Variants in BIVM observed in about 807,000 individuals in gnomAD.
BIVM encodes basic immunoglobulin-like variable motif-containing protein.
A neutral mutation model predicts 61.4 loss-of-function variants in BIVM; 31 were observed. That is an observed-to-expected ratio of 0.51 (90% CI 0.38 to 0.68). The LOEUF (loss-of-function observed/expected upper bound fraction) is 0.68. Ranked by LOEUF, BIVM falls within the 30% of genes least tolerant of loss-of-function variation. The probability of loss-of-function intolerance (pLI) is 0.00; values close to 1 mark genes in which losing one functional copy is unlikely to be tolerated. For synonymous variants in BIVM, 189 were observed against 210.7 expected, an observed-to-expected ratio of 0.90 and a Z score of 0.89; for missense variants, 526 against 596.0, an observed-to-expected ratio of 0.88 and a Z score of 1.22.
intron 3 of BIVM, among the ~76,000 whole-genome samples, chr13:102,810,724 CT>C (rs889655142): frequency 2.2e-4 from 33 of 152,018 alleles, no homozygotes; most frequent in Admixed American, 2.1e-3. Context: ...ATAATAATAG[CT>C]TTTTTATTTT....
At chr13:102,809,062 GACTT>G (rs1879304123) in intron 3 of BIVM, among the ~76,000 whole-genome samples, 1 of 151,754 alleles carries the variant, frequency 6.6e-6, no homozygotes, top group South Asian at 2.1e-4. Context: ...TGCTTCCTCT[GACTT>G]ACTTTGGGTT....
chr13:102,814,266 A>G (rs918264503), intron 3 of BIVM, among the ~76,000 whole-genome samples: 1 of 152,168 alleles, frequency 6.6e-6, no homozygotes, highest in South Asian at 2.1e-4. Flanking sequence ...TCCCATCTCA[A>G]ACGGCGCTTT....
chr13:102,833,605 G>A (rs1881272047), intron 8 of BIVM, among the ~76,000 whole-genome samples: 1 of 152,090 alleles, frequency 6.6e-6, no homozygotes, highest in Non-Finnish European at 1.5e-5. Flanking sequence ...TTATAGACGT[G>A]AGCCACCACA....
chr13:102,828,528 C>T (rs912602411), intron 7 of BIVM, among the ~76,000 whole-genome samples: 3 of 152,218 alleles, frequency 2.0e-5, no homozygotes, highest in African/African-American at 7.2e-5. Context: ...GTGGACAATA[C>T]ATTAGTATTC....
chr13:102,805,543 C>T lies in BIVM; in HGVS notation c.-123+153C>T, dbSNP rs1233975338. Among the ~76,000 whole-genome samples the T allele has an allele frequency of 3.3e-5, 5 of 152,206 alleles. No homozygotes were observed. The East Asian group carries it at 5.8e-4, about 18-fold the overall frequency. On this transcript the variant is annotated intron_variant, in intron 2 of 10. Coordinates refer to ENST00000257336, the MANE Select transcript of BIVM (RefSeq NM_017693.4). ...CTTTATGGAGGTATAATTCACACAC[C>T]ATATAATTTACCCATTAAGTTATGC...
chr13:102,812,841 G>C (rs570777440), intron 3 of BIVM, among the ~76,000 whole-genome samples: 2 of 152,128 alleles, frequency 1.3e-5, no homozygotes, highest in Admixed American at 6.5e-5. Flanking sequence ...AACAATGGCT[G>C]CCCCCCTGTA....
intron 3 of BIVM, among the ~76,000 whole-genome samples, chr13:102,815,403 C>T (rs1300113331): frequency 1.3e-5 from 2 of 151,868 alleles, no homozygotes; most frequent in African/African-American, 4.8e-5. Context: ...TATCTGAAAT[C>T]TTAATAGTAT....
chr13:102,824,438 G>C (rs182751998), intron 7 of BIVM, among the ~76,000 whole-genome samples: 298 of 152,290 alleles, frequency 2.0e-3, no homozygotes, highest in Non-Finnish European at 3.2e-3. Context: ...TTGTTTCTGT[G>C]CCCACAAAGG....
chr13:102,832,993 G>A (rs910418469), intron 8 of BIVM, among the ~76,000 whole-genome samples: 1 of 152,060 alleles, frequency 6.6e-6, no homozygotes, highest in Non-Finnish European at 1.5e-5. Flanking sequence ...TGGGTGGGGT[G>A]CAGTGGTGTA....
At chr13:102,821,005 C>A (rs777692753) in intron 4 of BIVM, 32 bp from the exon 5 acceptor site, 45 of 1,588,238 alleles carry the variant, frequency 2.8e-5, no homozygotes, top group Non-Finnish European at 3.7e-5. Context: ...TGTGTTCATT[C>A]AAGTGAAGAA....
chr13:102,805,501 C>T (rs1026995200), intron 2 of BIVM, 111 bp downstream of exon 2: 5 of 152,090 alleles, frequency 3.3e-5, no homozygotes, highest in Non-Finnish European at 7.4e-5. Flanking sequence ...CTTGCTAATA[C>T]ATTATTTTTT....
At position 102,799,230 on chromosome 13, in the gene BIVM, C is replaced by G; in HGVS notation, c.-498C>G. 3.2e-6 allele frequency: 1 copy of G among 316,894 alleles called. No homozygotes were observed. Among genetic ancestry groups the G allele is most frequent in the South Asian group, 1.6e-4 (1 of 6,304 alleles). 19.6% of individuals were successfully genotyped at this position (316,894 alleles called of 1,614,324 possible). On this transcript the variant is annotated 5_prime_UTR_variant, in exon 1 of 11. It adds an upstream start codon to the 5' untranslated region. Coordinates refer to ENST00000257336, the MANE Select transcript of BIVM (RefSeq NM_017693.4). ...ACAGATAAACACCACAGATGCCCAT[C>G]AAAGGGGCGCACGGGTCTGGAGGCG...
chr13:102,811,809 C>A (rs1879517136), intron 3 of BIVM, among the ~76,000 whole-genome samples: 1 of 152,242 alleles, frequency 6.6e-6, no homozygotes, highest in African/African-American at 2.4e-5. Flanking sequence ...AGGCGTGAGC[C>A]ACCGTGCCCA....
intron 3 of BIVM, among the ~76,000 whole-genome samples, chr13:102,810,894 A>G (rs907192983): frequency 1.3e-4 from 20 of 152,104 alleles, no homozygotes; most frequent in African/African-American, 4.6e-4. Flanking sequence ...ACGACTGGCT[A>G]ATTTTTAATA....
At position 102,807,726 on chromosome 13, in the gene BIVM, A is replaced by G. The variant is rs1879196604; in HGVS notation, c.459A>G (p.Thr153=). 6.2e-7 allele frequency: 1 copy of G among 1,610,904 alleles called. No individual in the cohort carries two copies. The highest frequency in any genetic ancestry group is 8.5e-7 in the Non-Finnish European group (1 of 1,178,308). The change falls in exon 3 of 11, where the codon ACA becomes ACG. Residue 153 remains threonine (T), a synonymous_variant. Coordinates refer to ENST00000257336, the MANE Select transcript of BIVM (RefSeq NM_017693.4). The surrounding 1 kb of genome is among the most constrained non-coding windows in gnomAD (Gnocchi z 4.0). ...AATCTGAATTTGATGGGGTGACCAC[A>G]AATTCGAAACACAAATCAGGTAAGG... ...IDKSEFDGVT[T]NSKHKSGNAK...
intron 3 of BIVM, among the ~76,000 whole-genome samples, chr13:102,809,889 C>T (rs1477838115): frequency 1.3e-5 from 2 of 151,682 alleles, no homozygotes; most frequent in African/African-American, 2.4e-5. Flanking sequence ...GGGTTCACAC[C>T]ATTCTCCTGC....
At chr13:102,815,588 T>A (rs1000519559) in intron 3 of BIVM, among the ~76,000 whole-genome samples, 2 of 152,214 alleles carry the variant, frequency 1.3e-5, no homozygotes, top group African/African-American at 2.4e-5. Flanking sequence ...TCAAAACATC[T>A]TATGTACCCC....
At chr13:102,837,279 TAAAG>T (rs143781887) in intron 9 of BIVM, among the ~76,000 whole-genome samples, 3,804 of 152,120 alleles carry the variant, frequency 0.025, 61 homozygotes, top group South Asian at 0.034. Context: ...CCCTGTCTCA[TAAAG>T]AAAGAAAGAA....
intron 3 of BIVM, among the ~76,000 whole-genome samples, chr13:102,812,484 C>T (rs1462403026): frequency 6.6e-6 from 1 of 152,026 alleles, no homozygotes; most frequent in African/African-American, 2.4e-5. Context: ...TGCAGTAACT[C>T]TGGAAATCAA....
Sources: allele counts gnomAD v4.1 joint callset (sites outside exome capture counted in the v4.1 genomes callset), GRCh38; gene constraint gnomAD v4.1.1; non-coding constraint Gnocchi (gnomAD v3.1); transcripts MANE v1.5; gene names NCBI Gene and HGNC (gene_info 2026-07-23, HGNC 2026-07-21).